The following ZCCHC9 variants were observed in gnomAD, a reference collection of about 807,000 sequenced individuals.
The protein encoded by ZCCHC9 is zinc finger CCHC domain-containing protein 9.
A neutral mutation model predicts 30.8 loss-of-function variants in ZCCHC9; 18 were observed. That is an observed-to-expected ratio of 0.58 (90% confidence interval 0.40 to 0.87). The LOEUF (loss-of-function observed/expected upper bound fraction) is 0.87. Ranked by LOEUF, ZCCHC9 falls within the 40% of genes least tolerant of loss-of-function variation. The pLI is 0.00. For synonymous variants in ZCCHC9, 94 were observed against 106.7 expected, an observed-to-expected ratio of 0.88 and a Z score of 0.73; for missense variants, 279 against 331.2, an observed-to-expected ratio of 0.84 and a Z score of 1.22.
intron 4 of ZCCHC9, among the ~76,000 whole-genome samples, chr5:81,309,682 G>T (rs1758210212): frequency 6.6e-6 from 1 of 152,174 alleles, no homozygotes; most frequent in Non-Finnish European, 1.5e-5. Flanking sequence ...TTTTGGAGTT[G>T]GTCAGACTTG....
intron 4 of ZCCHC9, 120 bp from the exon 5 acceptor site, chr5:81,311,091 T>G: frequency 1.0e-6 from 1 of 962,984 alleles, no homozygotes; most frequent in Non-Finnish European, 1.7e-6. Flanking sequence ...ATGATCCTGG[T>G]CTAGCTACCT....
intron 3 of ZCCHC9, 75 bp downstream of exon 3, chr5:81,308,786 A>G: frequency 6.5e-7 from 1 of 1,529,768 alleles, no homozygotes; most frequent in Non-Finnish European, 8.8e-7. Context: ...TTTTTTTAAC[A>G]CAATTTGTTA....
Position 81,308,558 on chromosome 5 carries a change from T to C in ZCCHC9, c.385-3T>C, listed in dbSNP as rs772101656. 1.2e-4 allele frequency: 188 copies of C among 1,609,016 alleles called. No homozygotes were observed. The highest frequency in any genetic ancestry group is 1.6e-4 in the Non-Finnish European group (183 of 1,178,360). Reference sequence around the variant, plus strand: ...CGTGCCAACCTACGTTTTGTTTTCCTAGGTGTGTTTCCATTGTAGAAAACC... The same window carrying C: ...CGTGCCAACCTACGTTTTGTTTTCCCAGGTGTGTTTCCATTGTAGAAAACC... On this transcript the variant is annotated splice_region_variant and splice_polypyrimidine_tract_variant and intron_variant, in intron 2 of 5. Transcript: ENST00000407610.
rs1282919555 is a variant in ZCCHC9 at position 81,312,625 on chromosome 5, A to T, written c.779A>T (p.Lys260Ile). Residue 260 changes from lysine (K) to isoleucine (I), a missense_variant, in exon 6 of 6, where the codon AAA becomes ATA. By Grantham distance (102) the Lys-to-Ile change is moderately radical. Transcript: ENST00000407610. ...EEILDVPKPQ[K>I]PKTKIPKVVN... ...ATTTTGGATGTACCTAAACCGCAAA[A>T]ACCCAAAACAAAAATACCTAAAGTT... The T allele has an allele frequency of 7.4e-6, 12 of 1,613,922 alleles. No homozygotes were observed. Among genetic ancestry groups the T allele is most frequent in the Non-Finnish European group, 1.0e-5 (12 of 1,179,830 alleles).
chr5:81,313,185 G>A lies in ZCCHC9; in HGVS notation c.*523G>A, dbSNP rs1259627205. The A allele has an allele frequency of 6.6e-6, 1 of 152,046 alleles. No individual in the cohort carries two copies. The highest frequency in any genetic ancestry group is 1.5e-5 in the Non-Finnish European group (1 of 68,042). The allele number at this position is 152,046 out of a possible 1,614,324, so 9.4% of individuals were successfully genotyped here. On this transcript the variant is annotated 3_prime_UTR_variant, in exon 6 of 6. Coordinates refer to ENST00000407610, the MANE Select transcript of ZCCHC9 (RefSeq NM_001131035.2). The stretch of plus-strand genomic sequence containing the variant: ...TAATTTTTCTGAATACTTGATTCTC[G>A]ATTGAAATATCCATTGTTCGTTAAT...
intron 4 of ZCCHC9, 111 bp from the exon 5 acceptor site, chr5:81,311,100 C>T (rs957296563): frequency 3.9e-5 from 42 of 1,078,218 alleles, no homozygotes; most frequent in Non-Finnish European, 5.6e-5. Flanking sequence ...GTCTAGCTAC[C>T]TTTACAACTG....
intron 2 of ZCCHC9, among the ~76,000 whole-genome samples, chr5:81,307,609 C>T (rs1345057384): frequency 1.3e-5 from 2 of 151,462 alleles, no homozygotes; most frequent in Non-Finnish European, 2.9e-5. Flanking sequence ...GCCGAGATCA[C>T]GCCACTGCAC....
At chr5:81,304,043 T>C (rs1022812085) in intron 1 of ZCCHC9, 1 of 152,230 alleles carries the variant, frequency 6.6e-6, no homozygotes, top group African/African-American at 2.4e-5. Context: ...TATTAAAGCA[T>C]ATGTATTAAG....
rs71000814 is a variant in ZCCHC9, at chr5:81,310,157, T to TAAAAAAAAAAAA, written c.629-1042_629-1031dup. Among the ~76,000 whole-genome samples the TAAAAAAAAAAAA allele has an allele frequency of 2.2e-3, 231 of 104,724 alleles. 5 individuals are homozygous for TAAAAAAAAAAAA. The highest frequency in any genetic ancestry group is 4.6e-3 in the South Asian group (14 of 3,062). The allele number at this position is 104,724 out of a possible 152,430, so 68.7% of individuals were successfully genotyped here. A position where few individuals can be genotyped will look rare whatever the true frequency, so the allele number is the denominator to read the frequency against. Reference sequence around the variant, plus strand: ...ACTGGTCAACCAAAGTGACTAGCTGTAAAAAAAAAAAAAAAAAAAAAAATT... The same window carrying TAAAAAAAAAAAA: ...ACTGGTCAACCAAAGTGACTAGCTGTAAAAAAAAAAAAAAAAAAAAAAAAAAAAAAAAAAATT... On this transcript the variant is annotated intron_variant, in intron 4 of 5. Transcript: ENST00000407610.
chr5:81,312,500 G>T, intron 5 of ZCCHC9, 44 bp from the exon 6 acceptor site: 1 of 1,488,414 alleles, frequency 6.7e-7, no homozygotes, highest in South Asian at 1.2e-5. Flanking sequence ...GGATGCATTT[G>T]ATTACTGTTT....
intron 1 of ZCCHC9, chr5:81,302,938 T>C (rs557710654): frequency 6.6e-6 from 1 of 152,260 alleles, no homozygotes; most frequent in South Asian, 2.1e-4. Flanking sequence ...GGTAATAACC[T>C]TAGCTTACTG....
rs542975586 is a variant in ZCCHC9 at position 81,305,560 on chromosome 5, C to T, written c.384+419C>T. On this transcript the variant is annotated intron_variant, in intron 2 of 5. Coordinates refer to ENST00000407610, the MANE Select transcript of ZCCHC9 (RefSeq NM_001131035.2). ...ATCACTTGAGCCCAGGAATTAAAGACGAGCCAGGGCCACATAGGGAGACGC... is the reference window on the plus strand; with the variant it reads ...ATCACTTGAGCCCAGGAATTAAAGATGAGCCAGGGCCACATAGGGAGACGC... Among the ~76,000 whole-genome samples the T allele has an allele frequency of 5.9e-4, 87 of 147,002 alleles. 1 individual carries two copies. Among genetic ancestry groups the T allele is most frequent in the African/African-American group, 2.1e-3 (82 of 39,360 alleles).
At chr5:81,305,589 G>C (rs927769871) in intron 2 of ZCCHC9, among the ~76,000 whole-genome samples, 2 of 113,672 alleles carry the variant, frequency 1.8e-5, no homozygotes, top group Non-Finnish European at 3.5e-5. Flanking sequence ...GAGACGCCAT[G>C]TCTACCAAAA....
chr5:81,312,544 A>G lies in ZCCHC9; in HGVS notation c.698A>G (p.Glu233Gly). The G allele has an allele frequency of 6.2e-7, 1 of 1,611,422 alleles. No individual in the cohort carries two copies. The highest frequency in any genetic ancestry group is 8.5e-7 in the Non-Finnish European group (1 of 1,178,118). Residue 233 changes from glutamate to glycine, a missense_variant and splice_region_variant, in exon 6 of 6, where the codon GAG becomes GGG. Coordinates refer to ENST00000407610, the MANE Select transcript of ZCCHC9 (RefSeq NM_001131035.2). ...KKDCPESQNSERMVTVGRWAK... is the reference protein window; with the variant it reads ...KKDCPESQNSGRMVTVGRWAK... Reference sequence around the variant, plus strand: ...TTCTGATTTTTCTATTCCTTTACAGAGCGAATGGTCACAGTTGGTCGCTGG... The same window carrying G: ...TTCTGATTTTTCTATTCCTTTACAGGGCGAATGGTCACAGTTGGTCGCTGG...
intron 4 of ZCCHC9, among the ~76,000 whole-genome samples, chr5:81,310,108 G>A (rs1190422865): frequency 2.2e-5 from 3 of 138,284 alleles, no homozygotes; most frequent in Admixed American, 1.6e-4. Flanking sequence ...TAGATAACAT[G>A]ACTAGTGAGC....
intron 5 of ZCCHC9, 49 bp from the exon 6 acceptor site, chr5:81,312,495 C>A: frequency 7.2e-7 from 1 of 1,391,598 alleles, no homozygotes; most frequent in Non-Finnish European, 1.0e-6. Context: ...TGAGTGGATG[C>A]ATTTGATTAC....
chr5:81,312,859 A>C lies in ZCCHC9; in HGVS notation c.*197A>C, dbSNP rs1433703534. On this transcript the variant is annotated 3_prime_UTR_variant, in exon 6 of 6. Transcript: ENST00000407610. ...ACCACTGTTTGGAGAAAATTGAAGA[A>C]AAGAATAAGATGATTAAATGAATTC... 1 of 412,178 alleles carries C rather than the reference A, an allele frequency of 2.4e-6. No homozygotes were observed. Among genetic ancestry groups the C allele is most frequent in the South Asian group, 4.5e-5 (1 of 22,324 alleles). The allele number at this position is 412,178 out of a possible 1,614,324, so 25.5% of individuals were successfully genotyped here.
At position 81,305,017 on chromosome 5, in the gene ZCCHC9, A is replaced by G; in HGVS notation, c.260A>G (p.His87Arg). The change falls in exon 2 of 6, where the codon CAC becomes CGC. Residue 87 changes from histidine to arginine, a missense_variant. Transcript: ENST00000407610. ...EYLRQNSQMV[H>R]NGQIIATDSE... ...CTAAGACAGAATTCACAGATGGTTC[A>G]CAATGGGCAAATTATAGCAACAGAC... is the stretch of plus-strand genomic sequence containing the variant. The G allele has an allele frequency of 6.2e-7, 1 of 1,614,242 alleles. No individual in the cohort carries two copies. The highest frequency in any genetic ancestry group is 8.5e-7 in the Non-Finnish European group (1 of 1,180,034).
Position 81,312,573 on chromosome 5 carries a change from A to G in ZCCHC9, c.727A>G (p.Lys243Glu). Residue 243 changes from lysine to glutamate, a missense_variant, in exon 6 of 6, where the codon AAG (lysine) becomes GAG (glutamate). Transcript: ENST00000407610. ...ERMVTVGRWA[K>E]GMSADYEEIL... is the part of the protein sequence containing the mutation. ...AATGGTCACAGTTGGTCGCTGGGCA[A>G]AGGGAATGAGTGCAGACTATGAAGA... The G allele has an allele frequency of 1.9e-6, 3 of 1,613,920 alleles. No homozygotes were observed. Among genetic ancestry groups the G allele is most frequent in the Non-Finnish European group, 2.5e-6 (3 of 1,179,846 alleles).
Sources: allele counts gnomAD v4.1 joint callset (sites outside exome capture counted in the v4.1 genomes callset), GRCh38; gene constraint gnomAD v4.1.1; transcripts MANE v1.5; gene names NCBI Gene and HGNC (gene_info 2026-07-23, HGNC 2026-07-21).